ADAM22: variants seen among roughly 807,000 people sequenced by gnomAD.
ADAM22 encodes ADAM metallopeptidase domain 22.
ADAM22 carries 65 observed loss-of-function variants against 144.6 expected under a neutral mutation model. That is an observed-to-expected ratio of 0.45 (90% CI 0.37 to 0.55). ADAM22 has a LOEUF of 0.55. ADAM22 is among the 20% of genes least tolerant of loss of function. The pLI is 0.00. For synonymous variants in ADAM22, 391 were observed against 412.6 expected (o/e 0.95, Z 0.63); for missense variants, 974 against 1,184.9 (o/e 0.82, Z 2.61).
intron 3 of ADAM22, among the ~76,000 whole-genome samples, chr7:88,008,488 T>C (rs1345514355): frequency 6.6e-6 from 1 of 152,110 alleles, no homozygotes; most frequent in Non-Finnish European, 1.5e-5. Context: ...TAGCAAAGAC[T>C]TGGAACCAAG....
At chr7:88,173,205 A>G (rs1844781303) in intron 26 of ADAM22, among the ~76,000 whole-genome samples, 1 of 152,018 alleles carries the variant, frequency 6.6e-6, no homozygotes, top group South Asian at 2.1e-4. Flanking sequence ...AGATATCGTT[A>G]AGAACATTTT....
chr7:87,970,237 C>T (rs1330465693), intron 2 of ADAM22, among the ~76,000 whole-genome samples: 1 of 149,938 alleles, frequency 6.7e-6, no homozygotes, highest in South Asian at 2.1e-4. Flanking sequence ...ATCATATATA[C>T]AAGCCATATA....
intron 14 of ADAM22, among the ~76,000 whole-genome samples, chr7:88,137,144 G>A (rs1216932939): frequency 6.6e-6 from 1 of 152,054 alleles, no homozygotes; most frequent in East Asian, 1.9e-4. Context: ...CATTTGGTTT[G>A]CATGTTTTCA....
intron 3 of ADAM22, among the ~76,000 whole-genome samples, chr7:88,016,131 T>G (rs1302749015): frequency 6.6e-6 from 1 of 152,236 alleles, no homozygotes; most frequent in African/African-American, 2.4e-5. Context: ...TCAGACTTGC[T>G]AGTGTATGAG....
At chr7:88,019,023 A>C (rs1443452112) in intron 3 of ADAM22, among the ~76,000 whole-genome samples, 2 of 152,106 alleles carry the variant, frequency 1.3e-5, no homozygotes, top group East Asian at 3.8e-4. Flanking sequence ...TATTATACAT[A>C]GTGGTTTTAT....
At chr7:87,964,577 C>G in intron 2 of ADAM22, 2 of 394,580 alleles carry the variant, frequency 5.1e-6, no homozygotes, top group Non-Finnish European at 9.7e-6. Context: ...TTTTCAACCC[C>G]TTAGGTTTTT....
chr7:88,173,541 A>G (rs1274144995), intron 26 of ADAM22, among the ~76,000 whole-genome samples: 3 of 152,096 alleles, frequency 2.0e-5, no homozygotes, highest in Non-Finnish European at 4.4e-5. Context: ...TATGTTAGTG[A>G]TTATAGACAA....
At chr7:88,037,688 A>G (rs765882831) in intron 3 of ADAM22, among the ~76,000 whole-genome samples, 10 of 152,100 alleles carry the variant, frequency 6.6e-5, no homozygotes, top group Non-Finnish European at 1.3e-4. Context: ...GCTGTGGTCA[A>G]TGAAGAATGA....
At chr7:88,075,586 T>G in intron 3 of ADAM22, 40 bp from the exon 4 acceptor site, 1 of 1,572,332 alleles carries the variant, frequency 6.4e-7, no homozygotes, top group Non-Finnish European at 8.7e-7. Context: ...TTTACATTTT[T>G]GGGATCCTCT....
intron 4 of ADAM22, among the ~76,000 whole-genome samples, chr7:88,107,021 A>G (rs1233352616): frequency 5.3e-5 from 8 of 152,146 alleles, no homozygotes; most frequent in Non-Finnish European, 5.9e-5. Context: ...AGTTAAAGCC[A>G]TTGCTGGTTT....
chr7:88,017,931 T>G (rs1055938275), intron 3 of ADAM22, among the ~76,000 whole-genome samples: 2 of 152,040 alleles, frequency 1.3e-5, no homozygotes, highest in African/African-American at 4.8e-5. Flanking sequence ...CATACAGATA[T>G]GGGAAATGAA....
At position 88,145,190 on chromosome 7, in the gene ADAM22, C is replaced by A. The variant is rs1835994644; in HGVS notation, c.1386C>A (p.Thr462=). The change falls in exon 16 of 32, where the codon ACC becomes ACA. Residue 462 remains threonine, a synonymous_variant. Transcript: ENST00000413139. The part of the protein sequence containing the change: ...IETGEECDCG[T]PAECVLEGAE... Reference sequence around the variant, plus strand: ...CTGGAGAGGAGTGTGATTGTGGAACCCCGGCCGTAAGTCTCTGGTTGTTTT... The same window carrying A: ...CTGGAGAGGAGTGTGATTGTGGAACACCGGCCGTAAGTCTCTGGTTGTTTT... 1.2e-6 allele frequency: 2 copies of A among 1,613,424 alleles called. No homozygotes were observed. The highest frequency in any genetic ancestry group is 1.3e-5 in the African/African-American group (1 of 74,792).
chr7:88,067,675 A>G (rs952564501), intron 3 of ADAM22, among the ~76,000 whole-genome samples: 1 of 152,120 alleles, frequency 6.6e-6, no homozygotes, highest in Non-Finnish European at 1.5e-5. Flanking sequence ...TTTATTAGGA[A>G]CAGGATTCTA....
chr7:88,135,924 C>T, intron 13 of ADAM22, 56 bp from the exon 14 acceptor site: 1 of 1,470,132 alleles, frequency 6.8e-7, no homozygotes, highest in Non-Finnish European at 9.2e-7. Flanking sequence ...ACAGAAACTA[C>T]TTTAATGCAA....
intron 9 of ADAM22, 101 bp downstream of exon 9, chr7:88,128,777 C>G: frequency 1.2e-6 from 1 of 857,206 alleles, no homozygotes; most frequent in South Asian, 1.6e-5. Context: ...AAGTTGTAAC[C>G]TGGAGAAGGT....
chr7:87,972,910 A>G (rs1251244195), intron 2 of ADAM22, among the ~76,000 whole-genome samples: 1 of 152,172 alleles, frequency 6.6e-6, no homozygotes, highest in East Asian at 1.9e-4. Flanking sequence ...CTGAAACTGG[A>G]TCCCTTCCTT....
intron 3 of ADAM22, among the ~76,000 whole-genome samples, chr7:88,013,543 G>A (rs1224612368): frequency 6.6e-6 from 1 of 152,114 alleles, no homozygotes; most frequent in African/African-American, 2.4e-5. Context: ...TCCCGCATCA[G>A]CCTCCTGAGT....
chr7:88,079,281 T>C (rs916076379), intron 4 of ADAM22, among the ~76,000 whole-genome samples: 2 of 152,048 alleles, frequency 1.3e-5, no homozygotes, highest in Non-Finnish European at 2.9e-5. Flanking sequence ...AAATACTTTA[T>C]AGACAAGCAA....
intron 4 of ADAM22, among the ~76,000 whole-genome samples, chr7:88,085,473 G>A (rs1354947324): frequency 6.6e-6 from 1 of 152,174 alleles, no homozygotes. Context: ...CACCTACCAA[G>A]GAGGCTGAGG....
Sources: gnomAD v4.1 joint callset for allele counts (sites outside exome capture counted in the v4.1 genomes callset) on GRCh38, gnomAD v4.1.1 for gene constraint, MANE v1.5 for transcripts, NCBI Gene and HGNC (gene_info 2026-07-23, HGNC 2026-07-21) for gene names.